C12orf42: variants seen among roughly 807,000 people sequenced by gnomAD.
The protein encoded by C12orf42 is chromosome 12 open reading frame 42.
Under a neutral mutation model 21.6 loss-of-function variants are expected in C12orf42, and 25 were observed. The observed-to-expected ratio is 1.16, with a 90% CI of 0.84 to 1.62. The LOEUF is 1.62. C12orf42 is among the 40% of genes most tolerant of loss of function. C12orf42 has a pLI of 0.00. For synonymous variants in C12orf42, 174 were observed against 175.0 expected (o/e 0.99, Z 0.05); for missense variants, 483 against 459.3 (o/e 1.05, Z -0.47).
At chr12:103,082,625 C>T in the C12orf42 span, among the ~76,000 whole-genome samples, 3 of 152,204 alleles carry the variant, frequency 2.0e-5, no homozygotes, top group African/African-American at 7.2e-5. Flanking sequence ...AGCACACCAA[C>T]ATGGCACATG....
intron 2 of C12orf42, among the ~76,000 whole-genome samples, chr12:103,408,995 C>A (rs191264473): frequency 6.6e-6 from 1 of 152,216 alleles, no homozygotes; most frequent in Non-Finnish European, 1.5e-5. Context: ...TTAGTAATAA[C>A]CAACAGGAAT....
chr12:103,195,822 G>T, the C12orf42 span, among the ~76,000 whole-genome samples: 3 of 151,998 alleles, frequency 2.0e-5, no homozygotes, highest in Non-Finnish European at 4.4e-5. Flanking sequence ...TGTTTTTGTT[G>T]TAATTGCTTT....
chr12:103,219,879 A>G, the C12orf42 span, among the ~76,000 whole-genome samples: 1 of 152,246 alleles, frequency 6.6e-6, no homozygotes, highest in South Asian at 2.1e-4. Context: ...TAGTACCAGA[A>G]GTAACATTTG....
the C12orf42 span, among the ~76,000 whole-genome samples, chr12:103,061,365 A>T: frequency 6.6e-6 from 1 of 152,096 alleles, no homozygotes; most frequent in African/African-American, 2.4e-5. Context: ...GATGGATATA[A>T]TGTTCTATAC....
At chr12:103,064,172 G>A in the C12orf42 span, among the ~76,000 whole-genome samples, 132 of 152,264 alleles carry the variant, frequency 8.7e-4, no homozygotes, top group African/African-American at 3.0e-3. Context: ...AATCCTTTGT[G>A]ACATAGATTT....
chr12:103,065,507 A>G, the C12orf42 span, among the ~76,000 whole-genome samples: 3 of 152,226 alleles, frequency 2.0e-5, no homozygotes, highest in Non-Finnish European at 4.4e-5. Flanking sequence ...TCTTAGTCAG[A>G]GAGATCTTGA....
the C12orf42 span, among the ~76,000 whole-genome samples, chr12:103,216,521 C>T: frequency 1.3e-5 from 2 of 151,930 alleles, no homozygotes. Context: ...CAGTAGGCTC[C>T]TGCCACCACG....
At chr12:103,352,424 A>C (rs1038094997) in intron 4 of C12orf42, among the ~76,000 whole-genome samples, 1 of 152,198 alleles carries the variant, frequency 6.6e-6, no homozygotes, top group Non-Finnish European at 1.5e-5. Context: ...ATATCTTGGT[A>C]TATTTCAAGA....
chr12:103,091,334 C>A, the C12orf42 span, among the ~76,000 whole-genome samples: 2 of 151,796 alleles, frequency 1.3e-5, no homozygotes, highest in African/African-American at 4.8e-5. Flanking sequence ...GCTCTTGAAT[C>A]AGTGTCTCAG....
chr12:103,319,396 C>T (rs1464901923), intron 4 of C12orf42, among the ~76,000 whole-genome samples: 1 of 151,964 alleles, frequency 6.6e-6, no homozygotes, highest in Non-Finnish European at 1.5e-5. Context: ...GAAATCCAGG[C>T]TACCCCCAAC....
intron 10 of C12orf42, among the ~76,000 whole-genome samples, chr12:103,256,213 CT>C (rs1450766026): frequency 7.2e-6 from 1 of 137,982 alleles, no homozygotes; most frequent in Non-Finnish European, 1.5e-5. Context: ...TATAACTAAA[CT>C]TATTGTAGTA....
chr12:103,475,773 A>C (rs553168630), intron 2 of C12orf42, among the ~76,000 whole-genome samples: 1 of 152,350 alleles, frequency 6.6e-6, no homozygotes, highest in African/African-American at 2.4e-5. Context: ...TGAAAAGTAT[A>C]ACTCTGTATT....
At chr12:103,208,591 A>AT in the C12orf42 span, among the ~76,000 whole-genome samples, 2 of 152,146 alleles carry the variant, frequency 1.3e-5, no homozygotes. Flanking sequence ...AGAAAGAGCA[A>AT]TTTTTTGGCA....
chr12:103,075,726 G>A, the C12orf42 span, among the ~76,000 whole-genome samples: 1 of 152,120 alleles, frequency 6.6e-6, no homozygotes, highest in Non-Finnish European at 1.5e-5. Flanking sequence ...AGTCCAGTAA[G>A]AATGAAGTCT....
chr12:103,514,708 C>T, the C12orf42 span, among the ~76,000 whole-genome samples: 4 of 152,186 alleles, frequency 2.6e-5, no homozygotes, highest in Non-Finnish European at 4.4e-5. Flanking sequence ...GGGCAAGAAC[C>T]AAAGCTGAGA....
chr12:103,209,312 G>T, the C12orf42 span, among the ~76,000 whole-genome samples: 2 of 152,156 alleles, frequency 1.3e-5, no homozygotes, highest in African/African-American at 4.8e-5. Context: ...CCAGTTCATT[G>T]ATTATATTAG....
intron 4 of C12orf42, among the ~76,000 whole-genome samples, chr12:103,315,717 G>A (rs560200917): frequency 1.3e-5 from 2 of 152,176 alleles, no homozygotes; most frequent in African/African-American, 4.8e-5. Flanking sequence ...ACATCTCAGA[G>A]GACATTTAGA....
At chr12:103,328,693 A>G (rs1301759119) in intron 4 of C12orf42, among the ~76,000 whole-genome samples, 1 of 152,242 alleles carries the variant, frequency 6.6e-6, no homozygotes, top group Non-Finnish European at 1.5e-5. Context: ...AGTAAATACC[A>G]GTGGGCCATA....
the C12orf42 span, among the ~76,000 whole-genome samples, chr12:103,148,532 C>T: frequency 6.6e-6 from 1 of 151,930 alleles, no homozygotes; most frequent in African/African-American, 2.4e-5. Flanking sequence ...TTATTGTTCC[C>T]TGAGTCTCTG....
Sources: allele counts gnomAD v4.1 joint callset (sites outside exome capture counted in the v4.1 genomes callset), GRCh38; gene constraint gnomAD v4.1.1; transcripts MANE v1.5; gene names NCBI Gene and HGNC (gene_info 2026-07-23, HGNC 2026-07-21).